The following EPS8L1 variants were observed in gnomAD, a reference collection of about 807,000 sequenced individuals.
EPS8L1 encodes the protein epidermal growth factor receptor kinase substrate 8-like protein 1.
EPS8L1 carries 101 observed loss-of-function variants against 91.7 expected under a neutral mutation model. The observed-to-expected ratio is 1.10, with a 90% CI of 0.94 to 1.30. The LOEUF is 1.30. EPS8L1 is among the 50% of genes most tolerant of loss of function. The pLI is 0.00. For missense variants in EPS8L1, 1,114 were observed against 1,017.0 expected (o/e 1.10, Z -1.30); for synonymous variants, 506 against 445.3 (o/e 1.14, Z -1.72).
intron 18 of EPS8L1, 134 bp downstream of exon 18, chr19:55,087,022 G>C: frequency 8.1e-7 from 1 of 1,242,062 alleles, no homozygotes; most frequent in East Asian, 2.8e-5. Flanking sequence ...GTGAGGGTCT[G>C]TCTGGTAGCA....
chr19:55,080,122 C>G lies in EPS8L1; in HGVS notation c.280-7C>G. 6.8e-7 allele frequency: 1 copy of G among 1,481,104 alleles called. No homozygotes were observed. The highest frequency in any genetic ancestry group is 9.0e-7 in the Non-Finnish European group (1 of 1,110,944). 91.7% of individuals were successfully genotyped at this position (1,481,104 alleles called of 1,614,324 possible). ...GCCTCAGTTTACCCCGCCATCCCAC[C>G]CGGCAGGAGGAGCTGGAGTCGTACC... On this transcript the variant is annotated splice_region_variant and splice_polypyrimidine_tract_variant and intron_variant, in intron 5 of 19. Transcript: ENST00000201647.
chr19:55,077,251 C>A (rs567321751), intron 2 of EPS8L1, among the ~76,000 whole-genome samples: 38 of 152,238 alleles, frequency 2.5e-4, no homozygotes, highest in African/African-American at 8.2e-4. Flanking sequence ...GCAGATAATT[C>A]CCTGTCTACT....
rs2076167441 is a variant in EPS8L1 at position 55,078,082 on chromosome 19, C to T, written c.18-6C>T. The T allele has an allele frequency of 3.7e-6, 6 of 1,613,674 alleles. No homozygotes were observed. The Admixed American group carries it at 8.3e-5, about 22-fold the overall frequency. On this transcript the variant is annotated splice_region_variant and splice_polypyrimidine_tract_variant and intron_variant, in intron 2 of 19. Coordinates refer to ENST00000201647, the MANE Select transcript of EPS8L1 (RefSeq NM_133180.3). ...CAGTCTCTCTCATTCCTCTTTTCTT[C>T]ACCAGCCCAGAAGCTGCCCCAAAGC...
Position 55,079,707 on chromosome 19 carries a change from C to G in EPS8L1, c.135C>G (p.Cys45Trp), listed in dbSNP as rs551816363. ...CGTACCAGCACCTGGTGACGTTCTG[C>G]CTGGGTGAGGACGATGGCGTGCATA... ...QYPVNHLVTF[C>W]LGEDDGVHTV... Residue 45 changes from cysteine to tryptophan, a missense_variant, in exon 5 of 20, where the codon TGC becomes TGG. Coordinates refer to ENST00000201647, the MANE Select transcript of EPS8L1 (RefSeq NM_133180.3). The G allele has an allele frequency of 2.5e-4, 404 of 1,613,952 alleles. 7 individuals are homozygous for G. The South Asian group carries it at 4.2e-3, about 17-fold the overall frequency.
chr19:55,079,961 C>G (rs575798648), intron 5 of EPS8L1, 110 bp downstream of exon 5: 434 of 1,449,340 alleles, frequency 3.0e-4, no homozygotes, highest in Non-Finnish European at 3.4e-4. Context: ...TGGCGAGGGA[C>G]CCCAGCCCCC....
intron 2 of EPS8L1, 35 bp from the exon 3 acceptor site, chr19:55,078,053 C>T: frequency 6.2e-7 from 1 of 1,612,044 alleles, no homozygotes. Flanking sequence ...TGCCCCCAGT[C>T]CCACAGTCTC....
rs1478271015 is a variant in EPS8L1 at position 55,082,910 on chromosome 19, T to G, written c.1214+308T>G. On this transcript the variant is annotated intron_variant, in intron 12 of 19. Coordinates refer to ENST00000201647, the MANE Select transcript of EPS8L1 (RefSeq NM_133180.3). ...CGGGGCTACGCGAAGGGGCGGGGCTTCTGGAAGGTTTGGTCTATAACTTTG... is the reference window on the plus strand; with the variant it reads ...CGGGGCTACGCGAAGGGGCGGGGCTGCTGGAAGGTTTGGTCTATAACTTTG... 3.3e-5 allele frequency among the ~76,000 whole-genome samples: 5 copies of G among 152,006 alleles called. No homozygotes were observed. The South Asian group carries it at 1.0e-3, about 32-fold the overall frequency.
At chr19:55,082,711 GTT>G in intron 12 of EPS8L1, 109 bp downstream of exon 12, 2 of 1,046,382 alleles carry the variant, frequency 1.9e-6, no homozygotes, top group Non-Finnish European at 2.7e-6. Flanking sequence ...GTAGGGAGGG[GTT>G]AGAGGCGTGG....
intron 2 of EPS8L1, 26 bp downstream of exon 2, chr19:55,076,487 C>T (rs2076137680): frequency 6.2e-7 from 1 of 1,610,250 alleles, no homozygotes; most frequent in Non-Finnish European, 8.5e-7. Flanking sequence ...CCCCAGGTCC[C>T]AGCCCCAGCA....
chr19:55,087,083 T>C, intron 18 of EPS8L1, 195 bp downstream of exon 18: 1 of 1,046,498 alleles, frequency 9.6e-7, no homozygotes, highest in Non-Finnish European at 1.3e-6. Flanking sequence ...TCCGACTGGA[T>C]TCCTTAGGGA....
rs893813885 is a variant in EPS8L1, at chr19:55,083,453, C to G, written c.1290C>G (p.Asp430Glu). 6.2e-7 allele frequency: 1 copy of G among 1,612,718 alleles called. No individual in the cohort carries two copies. Among genetic ancestry groups the G allele is most frequent in the Non-Finnish European group, 8.5e-7 (1 of 1,179,824 alleles). The change falls in exon 13 of 20, where the codon GAC becomes GAG. Residue 430 changes from aspartate to glutamate, a missense_variant. Coordinates refer to ENST00000201647, the MANE Select transcript of EPS8L1 (RefSeq NM_133180.3). The surrounding 1 kb of genome is among the most constrained non-coding windows in gnomAD (Gnocchi z 4.7). ...FFSGWEPPVT[D>E]PQSRAWEDPV... ...GCGGCTGGGAGCCGCCGGTCACTGA[C>G]CCGCAGAGCCGCGCCTGGGAGGACC... is the stretch of plus-strand genomic sequence containing the variant.
rs768734298 is a variant in EPS8L1, at chr19:55,082,438, C to T, written c.1066-16C>T. On this transcript the variant is annotated splice_polypyrimidine_tract_variant and intron_variant, in intron 11 of 19. Coordinates refer to ENST00000201647, the MANE Select transcript of EPS8L1 (RefSeq NM_133180.3). ...AGGTGTGGCGGCACAGCCTGCCCCT[C>T]CTGCTCCCCTGACAGATTGTGAACA... 8 of 1,611,212 alleles carry T rather than the reference C, an allele frequency of 5.0e-6. No homozygotes were observed. In the African/African-American group the frequency reaches 1.1e-4, roughly 22 times the overall value.
Position 55,087,694 on chromosome 19 carries a change from C to A in EPS8L1, c.*80C>A. On this transcript the variant is annotated 3_prime_UTR_variant, in exon 20 of 20. Coordinates refer to ENST00000201647, the MANE Select transcript of EPS8L1 (RefSeq NM_133180.3). Reference sequence around the variant, plus strand: ...TCAGACTCTCCCCAATAGCGGAAGTCGATCTTCTGAAGGATGGCCAATCTG... The same window carrying A: ...TCAGACTCTCCCCAATAGCGGAAGTAGATCTTCTGAAGGATGGCCAATCTG... 6.8e-7 allele frequency: 1 copy of A among 1,462,596 alleles called. No individual in the cohort carries two copies. Among genetic ancestry groups the A allele is most frequent in the Non-Finnish European group, 9.5e-7 (1 of 1,057,134 alleles). 90.6% of individuals were successfully genotyped at this position (1,462,596 alleles called of 1,614,324 possible).
chr19:55,080,579 G>T, intron 6 of EPS8L1, 193 bp from the exon 7 acceptor site: 1 of 1,606,216 alleles, frequency 6.2e-7, no homozygotes, highest in South Asian at 1.1e-5. Context: ...GTCTCCATGG[G>T]CGGGGTCGTG....
At chr19:55,078,968 T>C in intron 3 of EPS8L1, 31 bp from the exon 4 acceptor site, 2 of 1,610,328 alleles carry the variant, frequency 1.2e-6, no homozygotes, top group Non-Finnish European at 1.7e-6. Flanking sequence ...GGGCCTGGAC[T>C]CCCAGGCTCA....
intron 1 of EPS8L1, 178 bp from the exon 2 acceptor site, chr19:55,076,230 T>TG (rs61013635): frequency 2.0e-5 from 10 of 502,168 alleles, no homozygotes; most frequent in Non-Finnish European, 3.1e-5. Context: ...CTCCTGGGTC[T>TG]AGGGAAGAGG....
Position 55,087,433 on chromosome 19 carries a change from G to T in EPS8L1, c.2083G>T (p.Glu695Ter). 6.2e-7 allele frequency: 1 copy of T among 1,614,178 alleles called. No homozygotes were observed. Among genetic ancestry groups the T allele is most frequent in the Non-Finnish European group, 8.5e-7 (1 of 1,180,028 alleles). The change falls in exon 19 of 20, where the codon GAG (glutamate) becomes TAG (stop). Residue 695 changes from glutamate (E) to a stop codon, truncating the protein, a stop_gained and splice_region_variant. Transcript: ENST00000201647. LOFTEE classifies it high-confidence loss of function. ...SQVTVQRSLL[E>*]DKEKVSELEA... ...GGTCACCGTGCAGCGCTCGCTGCTGGAGGTGAGCCGGACCGCTGGTCCCTG... is the reference window on the plus strand; with the variant it reads ...GGTCACCGTGCAGCGCTCGCTGCTGTAGGTGAGCCGGACCGCTGGTCCCTG...
At position 55,078,920 on chromosome 19, in the gene EPS8L1, TGG is replaced by T. The variant is rs375461906; in HGVS notation, c.59-75_59-74del. 259 of 1,417,948 alleles carry T rather than the reference TGG, an allele frequency of 1.8e-4. 1 individual carries two copies. In the African/African-American group the frequency reaches 2.8e-3, roughly 15 times the overall value. The allele number at this position is 1,417,948 out of a possible 1,614,324, so 87.8% of individuals were successfully genotyped here. ...CTCCTAGGTTTGAGGGAGGAGGGGC[TGG>T]GGGCCTGGACTCCTGGGTCTGATGG... On this transcript the variant is annotated intron_variant, in intron 3 of 19. Transcript: ENST00000201647.
Position 55,083,561 on chromosome 19 carries a change from GGGGCGC to G in EPS8L1, c.1356+45_1357-47del. 1.9e-6 allele frequency: 3 copies of G among 1,598,426 alleles called. No individual in the cohort carries two copies. Among genetic ancestry groups the G allele is most frequent in the Non-Finnish European group, 2.6e-6 (3 of 1,172,620 alleles). On this transcript the variant is annotated intron_variant, in intron 13 of 19. Transcript: ENST00000201647. The surrounding 1 kb of genome is among the most constrained non-coding windows in gnomAD (Gnocchi z 4.7). ...AGCAGGGCCGAGGCTGGGAAGTCCG[GGGGCGC>G]GGCCGGTCCGCCTGGCCCCGCCTGA...
Sources: gnomAD v4.1 joint callset for allele counts (sites outside exome capture counted in the v4.1 genomes callset) on GRCh38, gnomAD v4.1.1 for gene constraint, Gnocchi (gnomAD v3.1) non-coding constraint, MANE v1.5 for transcripts, NCBI Gene and HGNC (gene_info 2026-07-23, HGNC 2026-07-21) for gene names.